The following PAPPA2 variants were observed in gnomAD, a reference collection of about 807,000 sequenced individuals.
The protein encoded by PAPPA2 is pappalysin 2.
Under a neutral mutation model 176.4 loss-of-function variants are expected in PAPPA2, and 86 were observed. The observed-to-expected ratio is 0.49, with a 90% CI of 0.41 to 0.58. PAPPA2 has a LOEUF of 0.58. Among genes scored for constraint, PAPPA2 ranks in the 20% least tolerant of loss-of-function variants. The probability of loss-of-function intolerance (pLI) is 0.00; values close to 1 mark genes in which losing one functional copy is unlikely to be tolerated. For synonymous variants in PAPPA2, 809 were observed against 852.2 expected, an observed-to-expected ratio of 0.95 and a Z score of 0.88; for missense variants, 2,073 against 2,256.9, an observed-to-expected ratio of 0.92 and a Z score of 1.65.
In PAPPA2 at chr1:176,746,018, A is replaced by G. The variant is rs1662888926; in HGVS notation, c.4151+5822A>G. Among the ~76,000 whole-genome samples, 4 of 152,294 alleles carry G rather than the reference A, an allele frequency of 2.6e-5. No individual in the cohort carries two copies. The South Asian group carries it at 8.3e-4, about 32-fold the overall frequency. On this transcript the variant is annotated intron_variant, in intron 14 of 22. Coordinates refer to ENST00000367662, the MANE Select transcript of PAPPA2 (RefSeq NM_020318.3). ...CTGAGACTTGTTGAGAAGCCAGCTA[A>G]GATGCTGATAAGACTTGCTGGGACA...
chr1:176,534,773 C>T (rs1424257976), intron 1 of PAPPA2, among the ~76,000 whole-genome samples: 2 of 152,106 alleles, frequency 1.3e-5, no homozygotes, highest in African/African-American at 4.8e-5. Flanking sequence ...ACTCCTAAAA[C>T]TTTGTGAATC....
At chr1:176,764,937 T>C (rs921256194) in intron 14 of PAPPA2, among the ~76,000 whole-genome samples, 12 of 152,246 alleles carry the variant, frequency 7.9e-5, no homozygotes, top group Non-Finnish European at 1.8e-4. Context: ...CCAGGCTGAG[T>C]CTAGATTGGC....
intron 4 of PAPPA2, among the ~76,000 whole-genome samples, chr1:176,684,753 G>T (rs1047494191): frequency 2.0e-5 from 3 of 152,146 alleles, no homozygotes; most frequent in African/African-American, 7.2e-5. Flanking sequence ...ATAATTTGAG[G>T]TCTATGAAGA....
intron 3 of PAPPA2, among the ~76,000 whole-genome samples, chr1:176,634,770 A>G (rs1656564376): frequency 1.3e-5 from 2 of 151,740 alleles, no homozygotes; most frequent in Non-Finnish European, 2.9e-5. Context: ...ACTTAGGATT[A>G]ATAGGTGTAG....
At position 176,524,869 on chromosome 1, in the gene PAPPA2, CA is replaced by C. The variant is rs111762279; in HGVS notation, c.-916-30530del. Among the ~76,000 whole-genome samples the C allele has an allele frequency of 9.2e-3, 1,394 of 151,660 alleles. 25 individuals are homozygous for C. The highest frequency in any genetic ancestry group is 0.031 in the African/African-American group (1,299 of 41,354). ...AAACCCCGTCTCTACTAAAAAAATA[CA>C]AAAAAAACAAAATAAAATAAAATTA... is the stretch of plus-strand genomic sequence containing the variant. On this transcript the variant is annotated intron_variant, in intron 1 of 22. Transcript: ENST00000367662.
intron 1 of PAPPA2, among the ~76,000 whole-genome samples, chr1:176,510,985 TA>T (rs1317334528): frequency 2.2e-4 from 33 of 152,116 alleles, no homozygotes; most frequent in African/African-American, 7.9e-4. Context: ...TGAAAACAAC[TA>T]TTAAGATAGT....
At chr1:176,694,254 A>T (rs1370319503) in intron 6 of PAPPA2, among the ~76,000 whole-genome samples, 1 of 152,208 alleles carries the variant, frequency 6.6e-6, no homozygotes, top group African/African-American at 2.4e-5. Flanking sequence ...GTGAGTGCTG[A>T]TTGGAGTCAG....
intron 17 of PAPPA2, among the ~76,000 whole-genome samples, chr1:176,781,628 GT>G (rs1664727049): frequency 6.6e-6 from 1 of 152,032 alleles, no homozygotes. Context: ...CTGGCATGGG[GT>G]TTGGAAGTGC....
Position 176,699,563 on chromosome 1 carries a change from A to G in PAPPA2, c.3210A>G (p.Thr1070=). ...PFASGLPVVV[T]HSHRKFTDVE... ...CCAGTGGTTTGCCCGTGGTGGTGAC[A>G]CATTCTCACAGGAAGTTCACGGACG... The change falls in exon 8 of 23, where the codon ACA becomes ACG. Residue 1070 remains threonine, a synonymous_variant. Coordinates refer to ENST00000367662, the MANE Select transcript of PAPPA2 (RefSeq NM_020318.3). 6.2e-7 allele frequency: 1 copy of G among 1,607,316 alleles called. No homozygotes were observed.
chr1:176,471,058 T>C (rs2102464789), intron 1 of PAPPA2, among the ~76,000 whole-genome samples: 1 of 152,266 alleles, frequency 6.6e-6, no homozygotes, highest in East Asian at 1.9e-4. Context: ...ATATGCCTCT[T>C]TGAGTGGGAT....
chr1:176,582,135 G>T (rs1182917507), intron 2 of PAPPA2, among the ~76,000 whole-genome samples: 1 of 151,772 alleles, frequency 6.6e-6, no homozygotes, highest in East Asian at 1.9e-4. Flanking sequence ...TACCGTGTTA[G>T]CCAGGATAGT....
chr1:176,614,130 C>A (rs1002627722), intron 3 of PAPPA2, among the ~76,000 whole-genome samples: 1 of 152,158 alleles, frequency 6.6e-6, no homozygotes, highest in Non-Finnish European at 1.5e-5. Flanking sequence ...ACTAACCCAA[C>A]CCAGAAGCGG....
rs67178111 is a variant in PAPPA2 at position 176,695,966 on chromosome 1, ATGTGTGTGTGTGTGTG to A, written c.2746+133_2746+148del. The A allele has an allele frequency of 7.0e-4, 608 of 865,668 alleles. 2 individuals are homozygous for A. Among genetic ancestry groups the A allele is most frequent in the Admixed American group, 5.7e-3 (248 of 43,398 alleles). 53.6% of individuals were successfully genotyped at this position (865,668 alleles called of 1,614,324 possible). A position where few individuals can be genotyped will look rare whatever the true frequency, so the allele number is the denominator to read the frequency against. The stretch of plus-strand genomic sequence containing the variant: ...GGTGACAAAAAGGCAATGTATGTGT[ATGTGTGTGTGTGTGTG>A]TGTGTGTGTGTGTGTGTGTGTGTGT... On this transcript the variant is annotated intron_variant, in intron 7 of 22. Coordinates refer to ENST00000367662, the MANE Select transcript of PAPPA2 (RefSeq NM_020318.3).
chr1:176,474,424 G>A (rs938163295), intron 1 of PAPPA2, among the ~76,000 whole-genome samples: 6 of 152,200 alleles, frequency 3.9e-5, no homozygotes, highest in African/African-American at 1.4e-4. Flanking sequence ...TCATATGGCT[G>A]CCTAACGGCA....
intron 3 of PAPPA2, among the ~76,000 whole-genome samples, chr1:176,595,929 T>C (rs1653953795): frequency 6.6e-6 from 1 of 152,140 alleles, no homozygotes; most frequent in Non-Finnish European, 1.5e-5. Flanking sequence ...GGCCAGGAAA[T>C]CTTCATGGAG....
At chr1:176,648,237 A>G (rs1657524668) in intron 3 of PAPPA2, among the ~76,000 whole-genome samples, 1 of 151,254 alleles carries the variant, frequency 6.6e-6, no homozygotes, top group Admixed American at 6.6e-5. Context: ...TTTTCAGATT[A>G]TTTGCTGTTG....
intron 3 of PAPPA2, among the ~76,000 whole-genome samples, chr1:176,635,000 T>C (rs567999757): frequency 6.8e-6 from 1 of 146,248 alleles, no homozygotes; most frequent in African/African-American, 2.5e-5. Context: ...GATAGATAGA[T>C]AGATAGATAG....
In PAPPA2 at chr1:176,663,940, G is replaced by A. The variant is rs139118883; in HGVS notation, c.1992-7030G>A. On this transcript the variant is annotated intron_variant, in intron 3 of 22. Coordinates refer to ENST00000367662, the MANE Select transcript of PAPPA2 (RefSeq NM_020318.3). ...TAATCTTCTAAATAAATTTTGCTAT[G>A]TGGGTCTCTTGATATGGTGGGTAAA... Among the ~76,000 whole-genome samples, 941 of 152,234 alleles carry A rather than the reference G, an allele frequency of 6.2e-3. 14 individuals carry two copies. The highest frequency in any genetic ancestry group is 0.021 in the African/African-American group (866 of 41,544).
chr1:176,502,456 T>C (rs1648021738), intron 1 of PAPPA2, among the ~76,000 whole-genome samples: 3 of 152,198 alleles, frequency 2.0e-5, no homozygotes, highest in African/African-American at 7.2e-5. Flanking sequence ...TTTAATCAGC[T>C]TTTCTTAGAA....
Sources: allele counts gnomAD v4.1 joint callset (sites outside exome capture counted in the v4.1 genomes callset), GRCh38; gene constraint gnomAD v4.1.1; transcripts MANE v1.5; gene names NCBI Gene and HGNC (gene_info 2026-07-23, HGNC 2026-07-21).